CACNA1A: variants seen among roughly 807,000 people sequenced by gnomAD.
The protein encoded by CACNA1A is calcium voltage-gated channel subunit alpha1 A.
CACNA1A carries 57 observed loss-of-function variants against 262.4 expected under a neutral mutation model. That is an observed-to-expected ratio of 0.22 (90% confidence interval 0.18 to 0.27). The LOEUF (loss-of-function observed/expected upper bound fraction) is 0.27, where lower values mean the gene tolerates loss of function less well. Among genes scored for constraint, CACNA1A ranks in the 10% least tolerant of loss-of-function variants. The pLI is 1.00. For synonymous variants in CACNA1A, 1,431 were observed against 1,419.3 expected, an observed-to-expected ratio of 1.01 and a Z score of -0.18; for missense variants, 2,526 against 3,562.8, an observed-to-expected ratio of 0.71 and a Z score of 7.41.
chr19:13,327,355 C>A (rs867387556), intron 10 of CACNA1A, among the ~76,000 whole-genome samples: 4 of 151,090 alleles, frequency 2.6e-5, no homozygotes, highest in African/African-American at 9.7e-5. Context: ...GGTGGATTTG[C>A]CTGTAGCAAA....
chr19:13,298,683 G>T lies in CACNA1A; in HGVS notation c.2950C>A (p.Arg984=). ...ERRARHREGS[R]PARGGEGEGE... ...TCGCCCTCGCCGCCCCGGGCCGGCC[G>T]GCTGCCCTCGCGGTGCCGCGCCCTC... Residue 984 remains arginine, a synonymous_variant, in exon 19 of 47, where the codon CGG becomes AGG. Transcript: ENST00000360228. 6.8e-7 allele frequency: 1 copy of T among 1,466,804 alleles called. No individual in the cohort carries two copies. The highest frequency in any genetic ancestry group is 9.0e-7 in the Non-Finnish European group (1 of 1,113,000). The allele number at this position is 1,466,804 out of a possible 1,614,324, so 90.9% of individuals were successfully genotyped here.
At chr19:13,275,764 T>G in intron 24 of CACNA1A, 86 bp downstream of exon 24, 2 of 926,526 alleles carry the variant, frequency 2.2e-6, no homozygotes, top group East Asian at 2.6e-5. Context: ...CCCTAGACCC[T>G]GAGAACATGT....
intron 1 of CACNA1A, among the ~76,000 whole-genome samples, chr19:13,472,889 T>G (rs1978288529): frequency 6.6e-6 from 1 of 152,142 alleles, no homozygotes; most frequent in Non-Finnish European, 1.5e-5. Context: ...ATAATTAAAT[T>G]AGAGATCTCA....
chr19:13,332,951 G>A (rs762426375), intron 8 of CACNA1A, 26 bp from the exon 9 acceptor site: 103 of 1,595,926 alleles, frequency 6.5e-5, no homozygotes, highest in Non-Finnish European at 8.1e-5. Flanking sequence ...ACAGAGTTAA[G>A]CTCCTGCATT....
intron 3 of CACNA1A, among the ~76,000 whole-genome samples, chr19:13,402,753 TACAC>T (rs1386337780): frequency 1.4e-5 from 2 of 142,636 alleles, no homozygotes; most frequent in South Asian, 2.2e-4. Context: ...CACATATATA[TACAC>T]ACATATATAT....
Position 13,311,654 on chromosome 19 carries a change from G to A in CACNA1A, c.1668+1015C>T, listed in dbSNP as rs571445096. Among the ~76,000 whole-genome samples the A allele has an allele frequency of 7.0e-4, 107 of 152,174 alleles. 1 individual carries two copies. The East Asian group carries it at 0.016, about 23-fold the overall frequency. On this transcript the variant is annotated intron_variant, in intron 12 of 46. Transcript: ENST00000360228. ...AGATCAAGACCATCCTGGCTAACACGGTGAAACCCCATCTCTACTAAAAAT... is the reference window on the plus strand; with the variant it reads ...AGATCAAGACCATCCTGGCTAACACAGTGAAACCCCATCTCTACTAAAAAT...
At chr19:13,483,255 C>T (rs1284699892) in intron 1 of CACNA1A, among the ~76,000 whole-genome samples, 2 of 152,152 alleles carry the variant, frequency 1.3e-5, no homozygotes, top group African/African-American at 2.4e-5. Flanking sequence ...GAAATCACCA[C>T]ATGGAATGCC....
At position 13,439,209 on chromosome 19, in the gene CACNA1A, C is replaced by T. The variant is rs558136123; in HGVS notation, c.539+13667G>A. Among the ~76,000 whole-genome samples the T allele has an allele frequency of 1.7e-3, 260 of 150,592 alleles. 1 individual carries two copies. The highest frequency in any genetic ancestry group is 2.2e-3 in the Non-Finnish European group (151 of 67,740). On this transcript the variant is annotated intron_variant, in intron 3 of 46. Transcript: ENST00000360228. ...TTGCAAGCTCCGCCTCCCAGGTTCA[C>T]GCCATTCTCCTTCCTCAGCCTCCCG... is the stretch of plus-strand genomic sequence containing the variant.
chr19:13,207,527 G>A lies in CACNA1A; in HGVS notation c.7307C>T (p.Ala2436Val), dbSNP rs1383217878. Residue 2436 changes from alanine (A) to valine (V), a missense_variant, in exon 47 of 47, where the codon GCG (alanine) becomes GTG (valine). Coordinates refer to ENST00000360228, the MANE Select transcript of CACNA1A (RefSeq NM_001127222.2). The surrounding 1 kb of genome is among the most constrained non-coding windows in gnomAD (Gnocchi z 5.7). ...GGACGCGTGTCGTACGGGGGGTGGC[G>A]CGTCGTAGGCCCCGGCCATGGCCTC... The part of the protein sequence containing the change: ...GEEAMAGAYD[A>V]PPPVRHASSG... 9 of 1,435,198 alleles carry A rather than the reference G, an allele frequency of 6.3e-6. No individual in the cohort carries two copies. Among genetic ancestry groups the A allele is most frequent in the Non-Finnish European group, 7.3e-6 (8 of 1,095,954 alleles). 88.9% of individuals were successfully genotyped at this position (1,435,198 alleles called of 1,614,324 possible).
chr19:13,348,093 TA>T (rs924911163), intron 6 of CACNA1A, among the ~76,000 whole-genome samples: 22 of 151,768 alleles, frequency 1.4e-4, no homozygotes, highest in African/African-American at 4.8e-4. Context: ...GCTAATTAAT[TA>T]TTTTTCTTTT....
chr19:13,207,876 GCT>G lies in CACNA1A; in HGVS notation c.6956_6957del (p.Gln2319ProfsTer183). 8.3e-7 allele frequency: 1 copy of G among 1,199,320 alleles called. No individual in the cohort carries two copies. The allele number at this position is 1,199,320 out of a possible 1,614,324, so 74.3% of individuals were successfully genotyped here. A position where few individuals can be genotyped will look rare whatever the true frequency, so the allele number is the denominator to read the frequency against. On this transcript the variant is annotated frameshift_variant, in exon 47 of 47. Coordinates refer to ENST00000360228, the MANE Select transcript of CACNA1A (RefSeq NM_001127222.2). LOFTEE classifies it low-confidence loss of function (END_TRUNC). The surrounding 1 kb of genome is among the most constrained non-coding windows in gnomAD (Gnocchi z 5.7). Reference sequence around the variant, plus strand: ...GCCACCGCCTGCTGCTGCTGCTGCTGCTGCTGCTGCTGCTGCTGCTGCGGGGG... The same window carrying G: ...GCCACCGCCTGCTGCTGCTGCTGCTGGCTGCTGCTGCTGCTGCTGCGGGGG... ...SGPPQQQQQQ[Q>X]QQQQQQAVAR... is the part of the protein sequence containing the mutation.
At chr19:13,228,403 T>C (rs1037049713) in intron 36 of CACNA1A, among the ~76,000 whole-genome samples, 15 of 151,466 alleles carry the variant, frequency 9.9e-5, no homozygotes, top group Admixed American at 7.9e-4. Context: ...CCCCAGGGGA[T>C]GTATCTGATT....
intron 29 of CACNA1A, among the ~76,000 whole-genome samples, 190 bp from the exon 30 acceptor site, chr19:13,253,291 C>CA (rs1283292716): frequency 7.2e-6 from 1 of 139,418 alleles, no homozygotes; most frequent in Non-Finnish European, 1.5e-5. Flanking sequence ...TTTTCACATC[C>CA]AAAAAAACAA....
At chr19:13,294,952 T>C (rs1025572638) in intron 19 of CACNA1A, among the ~76,000 whole-genome samples, 1 of 152,214 alleles carries the variant, frequency 6.6e-6, no homozygotes, top group African/African-American at 2.4e-5. Flanking sequence ...TCACTAGTCA[T>C]GTCCTGCAAA....
intron 3 of CACNA1A, among the ~76,000 whole-genome samples, chr19:13,439,226 A>G (rs1015468259): frequency 1.3e-5 from 2 of 148,592 alleles, no homozygotes; most frequent in Non-Finnish European, 3.0e-5. Flanking sequence ...CTCCTTCCTC[A>G]GCCTCCCGAG....
At chr19:13,421,706 C>A (rs982649563) in intron 3 of CACNA1A, among the ~76,000 whole-genome samples, 6 of 152,056 alleles carry the variant, frequency 3.9e-5, no homozygotes, top group African/African-American at 1.4e-4. Context: ...AAGAAATGGC[C>A]CCTCATCAGA....
intron 3 of CACNA1A, among the ~76,000 whole-genome samples, chr19:13,388,628 G>A (rs2144639967): frequency 6.6e-6 from 1 of 152,222 alleles, no homozygotes; most frequent in East Asian, 1.9e-4. Flanking sequence ...TCAGGTTACG[G>A]GATATCTTTA....
chr19:13,219,414 T>C (rs1266539675), intron 38 of CACNA1A, among the ~76,000 whole-genome samples: 1 of 152,206 alleles, frequency 6.6e-6, no homozygotes. Flanking sequence ...AGTTCTGAGT[T>C]CTTCCAGGGA....
At chr19:13,500,567 T>C (rs967454820) in intron 1 of CACNA1A, among the ~76,000 whole-genome samples, 2 of 152,248 alleles carry the variant, frequency 1.3e-5, no homozygotes, top group African/African-American at 4.8e-5. Context: ...TCAGGGCTTT[T>C]AGACGCATTG....
Sources: gnomAD v4.1 joint callset for allele counts (sites outside exome capture counted in the v4.1 genomes callset) on GRCh38, gnomAD v4.1.1 for gene constraint, Gnocchi (gnomAD v3.1) non-coding constraint, MANE v1.5 for transcripts, NCBI Gene and HGNC (gene_info 2026-07-23, HGNC 2026-07-21) for gene names.